C1QTNF1: variants seen among roughly 807,000 people sequenced by gnomAD.
C1QTNF1 encodes the protein C1q and TNF related 1, also known as complement C1q tumor necrosis factor-related protein 1.
In C1QTNF1, 22 loss-of-function variants were observed where a neutral mutation model predicts 27.8. The ratio of observed to expected loss-of-function variants is 0.79; its 90% confidence interval spans 0.56 to 1.13. C1QTNF1 has a LOEUF of 1.13. Among genes scored for constraint, C1QTNF1 ranks in the 50% most tolerant of loss-of-function variants. The probability of loss-of-function intolerance (pLI) is 0.00; values close to 1 mark genes in which losing one functional copy is unlikely to be tolerated. For synonymous variants in C1QTNF1, 166 were observed against 154.3 expected (o/e 1.08, Z -0.56); for missense variants, 373 against 380.2 (o/e 0.98, Z 0.16).
chr17:79,047,962 G>A lies in C1QTNF1; in HGVS notation c.720G>A (p.Leu240=), dbSNP rs2072641285. 7 of 1,613,896 alleles carry A rather than the reference G, an allele frequency of 4.3e-6. No homozygotes were observed. Among genetic ancestry groups the A allele is most frequent in the South Asian group, 1.1e-5 (1 of 91,080 alleles). The change falls in exon 4 of 4, where the codon CTG becomes CTA. Residue 240 remains leucine, a synonymous_variant. Transcript: ENST00000579760. ...IMQSQSLMLE[L]REQDQVWVRL... Reference sequence around the variant, plus strand: ...AAAGCCAGAGCCTGATGCTGGAGCTGCGAGAGCAGGACCAGGTGTGGGTAC... The same window carrying A: ...AAAGCCAGAGCCTGATGCTGGAGCTACGAGAGCAGGACCAGGTGTGGGTAC...
intron 1 of C1QTNF1, among the ~76,000 whole-genome samples, chr17:79,041,201 G>C (rs563039019): frequency 3.3e-5 from 5 of 152,158 alleles, no homozygotes; most frequent in Non-Finnish European, 5.9e-5. Flanking sequence ...TCATTGGGAC[G>C]GTCTCTGGGC....
intron 1 of C1QTNF1, among the ~76,000 whole-genome samples, chr17:79,037,135 GTTT>G (rs2072282517): frequency 6.6e-6 from 1 of 151,800 alleles, no homozygotes; most frequent in Non-Finnish European, 1.5e-5. Flanking sequence ...TTTTGTTTTT[GTTT>G]TTGTTTTTTT....
intron 1 of C1QTNF1, among the ~76,000 whole-genome samples, chr17:79,037,234 AT>A (rs1255748486): frequency 6.6e-6 from 1 of 152,080 alleles, no homozygotes; most frequent in African/African-American, 2.4e-5. Context: ...GGTTCAAGCG[AT>A]TCTCCTGCCT....
Position 79,034,879 on chromosome 17 carries a change from G to C in C1QTNF1, c.-14-9076G>C, listed in dbSNP as rs554252215. Among the ~76,000 whole-genome samples the C allele has an allele frequency of 2.0e-5, 3 of 152,168 alleles. No homozygotes were observed. In the South Asian group the frequency reaches 6.2e-4, roughly 31 times the overall value. On this transcript the variant is annotated intron_variant, in intron 1 of 3. Transcript: ENST00000579760. Reference sequence around the variant, plus strand: ...CATCTCTCAGGAAAAGGGGCTGCTCGGCTCCATCTGGCGAGAATTCCTTCC... The same window carrying C: ...CATCTCTCAGGAAAAGGGGCTGCTCCGCTCCATCTGGCGAGAATTCCTTCC...
chr17:79,038,720 C>T (rs2072324993), intron 1 of C1QTNF1, among the ~76,000 whole-genome samples: 1 of 152,166 alleles, frequency 6.6e-6, no homozygotes, highest in African/African-American at 2.4e-5. Flanking sequence ...TTCCAGATAA[C>T]CTTGCTGGGA....
At chr17:79,035,091 T>C (rs867755912) in intron 1 of C1QTNF1, among the ~76,000 whole-genome samples, 7 of 152,240 alleles carry the variant, frequency 4.6e-5, no homozygotes, top group East Asian at 1.9e-4. Flanking sequence ...GTTTGGTCAT[T>C]GGGCAATTAG....
intron 1 of C1QTNF1, chr17:79,043,495 G>A (rs982991764): frequency 1.1e-5 from 5 of 451,092 alleles, no homozygotes; most frequent in African/African-American, 2.0e-5. Context: ...GATTGCATGA[G>A]TGTGCATGTG....
At chr17:79,026,290 G>A (rs1321835014) in intron 1 of C1QTNF1, among the ~76,000 whole-genome samples, 2 of 152,114 alleles carry the variant, frequency 1.3e-5, no homozygotes, top group Non-Finnish European at 2.9e-5. Context: ...CAAGTAGCTG[G>A]ATTAGAGGTG....
rs1464010085 is a variant in C1QTNF1 at position 79,049,446 on chromosome 17, A to G, written c.*1358A>G. On this transcript the variant is annotated 3_prime_UTR_variant, in exon 4 of 4. Coordinates refer to ENST00000579760, the MANE Select transcript of C1QTNF1 (RefSeq NM_030968.5). This position sits in a 1 kb window ranked among gnomAD's most constrained non-coding sequence, Gnocchi z 4.4. ...TCTCCACGGTGCTCTCGCCCTGCCC[A>G]TGGCCACCCCAGACTCTGATCTCCA... 1.3e-5 allele frequency: 2 copies of G among 152,228 alleles called. No individual in the cohort carries two copies. Among genetic ancestry groups the G allele is most frequent in the Non-Finnish European group, 2.9e-5 (2 of 68,190 alleles). 9.4% of individuals were successfully genotyped at this position (152,228 alleles called of 1,614,324 possible).
chr17:79,027,080 G>C (rs2071986100), intron 1 of C1QTNF1, among the ~76,000 whole-genome samples: 3 of 132,960 alleles, frequency 2.3e-5, no homozygotes, highest in Non-Finnish European at 4.7e-5. Context: ...CTGTTCCTGG[G>C]CGGGGGGGGG....
Position 79,039,734 on chromosome 17 carries a change from A to G in C1QTNF1, c.-14-4221A>G, listed in dbSNP as rs1048081712. ...ACCACAGAGTAGAATAATCCAAGGT[A>G]GCTTTTTAATGCGTTTTGTAGTTAC... is the stretch of plus-strand genomic sequence containing the variant. On this transcript the variant is annotated intron_variant, in intron 1 of 3. Coordinates refer to ENST00000579760, the MANE Select transcript of C1QTNF1 (RefSeq NM_030968.5). Among the ~76,000 whole-genome samples, 4 of 152,228 alleles carry G rather than the reference A, an allele frequency of 2.6e-5. No homozygotes were observed. In the South Asian group the frequency reaches 8.3e-4, roughly 32 times the overall value.
chr17:79,042,243 C>T (rs968097901), intron 1 of C1QTNF1, among the ~76,000 whole-genome samples: 3 of 152,252 alleles, frequency 2.0e-5, no homozygotes, highest in African/African-American at 4.8e-5. Flanking sequence ...GCTGGGCCTG[C>T]GACTCCTGAT....
chr17:79,031,173 T>C (rs2072131760), intron 1 of C1QTNF1, among the ~76,000 whole-genome samples: 1 of 150,884 alleles, frequency 6.6e-6, no homozygotes, highest in African/African-American at 2.4e-5. Context: ...GCCCGGCTAA[T>C]TTTTTGTATT....
Position 79,047,606 on chromosome 17 carries a change from AG to A in C1QTNF1, c.368del (p.Gly123AlafsTer43). 1 of 1,567,970 alleles carries A rather than the reference AG, an allele frequency of 6.4e-7. No individual in the cohort carries two copies. The highest frequency in any genetic ancestry group is 8.6e-7 in the Non-Finnish European group (1 of 1,156,472). On this transcript the variant is annotated frameshift_variant, in exon 4 of 4. Coordinates refer to ENST00000579760, the MANE Select transcript of C1QTNF1 (RefSeq NM_030968.5). LOFTEE classifies it high-confidence loss of function. ...KYGKTGSAGA[R>X]GHTGPKGQKG... ...TGGCAAAACAGGCTCAGCAGGGGCC[AG>A]GGGCCACACTGGACCCAAAGGGCAG...
intron 1 of C1QTNF1, among the ~76,000 whole-genome samples, chr17:79,030,896 C>T (rs551898396): frequency 7.2e-5 from 11 of 152,054 alleles, no homozygotes; most frequent in African/African-American, 2.4e-4. Flanking sequence ...CTACTGTGCC[C>T]GGCCCAAACA....
At chr17:79,039,321 C>T (rs551507728) in intron 1 of C1QTNF1, among the ~76,000 whole-genome samples, 118 of 152,298 alleles carry the variant, frequency 7.7e-4, no homozygotes, top group African/African-American at 2.8e-3. Flanking sequence ...AGGCTAGCCC[C>T]CCACCACAGG....
At chr17:79,035,806 G>A (rs1328483307) in intron 1 of C1QTNF1, among the ~76,000 whole-genome samples, 1 of 152,190 alleles carries the variant, frequency 6.6e-6, no homozygotes, top group African/African-American at 2.4e-5. Context: ...CTTGGGAGAT[G>A]AATGTAAACT....
At chr17:79,040,886 G>A (rs1405035189) in intron 1 of C1QTNF1, among the ~76,000 whole-genome samples, 1 of 151,470 alleles carries the variant, frequency 6.6e-6, no homozygotes, top group Non-Finnish European at 1.5e-5. Flanking sequence ...CACAGAGTGA[G>A]ATCCTGTCAA....
chr17:79,048,964 C>A lies in C1QTNF1; in HGVS notation c.*876C>A. ...GAGCCCTGGGGGGTGGTCTCCATGC[C>A]TGCCACCCTGGCATCGGCTTTCTGT... On this transcript the variant is annotated 3_prime_UTR_variant, in exon 4 of 4. Transcript: ENST00000579760. 1 of 152,292 alleles carries A rather than the reference C, an allele frequency of 6.6e-6. No homozygotes were observed. The highest frequency in any genetic ancestry group is 1.5e-5 in the Non-Finnish European group (1 of 68,026). 9.4% of individuals were successfully genotyped at this position (152,292 alleles called of 1,614,324 possible).
Sources: allele counts gnomAD v4.1 joint callset (sites outside exome capture counted in the v4.1 genomes callset), GRCh38; gene constraint gnomAD v4.1.1; non-coding constraint Gnocchi (gnomAD v3.1); transcripts MANE v1.5; gene names NCBI Gene and HGNC (gene_info 2026-07-23, HGNC 2026-07-21).